The following NME7 variants were observed in gnomAD, a reference collection of about 807,000 sequenced individuals.
NME7 encodes NME/NM23 family member 7, also known as nucleoside diphosphate kinase 7.
In NME7, 41 loss-of-function variants were observed where a neutral mutation model predicts 49.1. The ratio of observed to expected loss-of-function variants is 0.83; its 90% CI spans 0.65 to 1.08. The LOEUF (loss-of-function observed/expected upper bound fraction) is 1.08. Ranked by LOEUF, NME7 falls within the 50% of genes least tolerant of loss-of-function variation. The probability of loss-of-function intolerance (pLI) is 0.00; values close to 1 mark genes in which losing one functional copy is unlikely to be tolerated. For synonymous variants in NME7, 139 were observed against 150.6 expected (o/e 0.92, Z 0.56); for missense variants, 423 against 463.4 (o/e 0.91, Z 0.80).
intron 11 of NME7, among the ~76,000 whole-genome samples, chr1:169,158,550 GC>G (rs1326222696): frequency 6.6e-6 from 1 of 152,026 alleles, no homozygotes; most frequent in Non-Finnish European, 1.5e-5. Flanking sequence ...GATATAAGGA[GC>G]TCATACCAGA....
intron 7 of NME7, among the ~76,000 whole-genome samples, chr1:169,275,392 T>C (rs2101879484): frequency 8.7e-6 from 1 of 114,600 alleles, no homozygotes; most frequent in African/African-American, 3.0e-5. Context: ...GGCAGGAGAA[T>C]GGCGTGAACC....
intron 4 of NME7, among the ~76,000 whole-genome samples, chr1:169,306,257 C>A (rs1651168413): frequency 6.6e-6 from 1 of 152,078 alleles, no homozygotes; most frequent in Non-Finnish European, 1.5e-5. Flanking sequence ...ATATGGGAAA[C>A]CACTGACGGA....
intron 10 of NME7, among the ~76,000 whole-genome samples, chr1:169,180,670 T>C (rs1230660514): frequency 2.0e-5 from 3 of 152,232 alleles, no homozygotes; most frequent in Non-Finnish European, 4.4e-5. Context: ...GAGCCACCTA[T>C]GTAATTTAAA....
chr1:169,234,421 T>C (rs1310570407), intron 9 of NME7, among the ~76,000 whole-genome samples: 1 of 152,132 alleles, frequency 6.6e-6, no homozygotes, highest in Non-Finnish European at 1.5e-5. Flanking sequence ...ACTGTACATG[T>C]TGAAGCAGAA....
intron 3 of NME7, among the ~76,000 whole-genome samples, chr1:169,314,842 G>A (rs1160543378): frequency 6.6e-6 from 1 of 151,986 alleles, no homozygotes; most frequent in African/African-American, 2.4e-5. Flanking sequence ...AAAATCTAAA[G>A]TAAAAAGAAT....
chr1:169,331,136 C>T (rs576940745), intron 1 of NME7, among the ~76,000 whole-genome samples: 13 of 152,078 alleles, frequency 8.5e-5, no homozygotes, highest in Admixed American at 2.0e-4. Flanking sequence ...GGGATATATC[C>T]CTGGGATGCA....
At chr1:169,238,344 G>A (rs1328391897) in intron 7 of NME7, among the ~76,000 whole-genome samples, 1 of 151,808 alleles carries the variant, frequency 6.6e-6, no homozygotes, top group East Asian at 1.9e-4. Flanking sequence ...CAGATGAGTG[G>A]TTTCTATATT....
chr1:169,321,087 T>G (rs1651836383), intron 3 of NME7, among the ~76,000 whole-genome samples: 1 of 152,234 alleles, frequency 6.6e-6, no homozygotes, highest in Admixed American at 6.5e-5. Context: ...TTTATTTTTC[T>G]TAGGTCAGAC....
At position 169,354,919 on chromosome 1, in the gene NME7, TATATA is replaced by T. The variant is rs1312562026; in HGVS notation, c.3+12784_3+12788del. ...ATAATATAAAATAAATATAATAAAA[TATATA>T]ATATATCTATTATGTATTATATATT... On this transcript the variant is annotated intron_variant, in intron 1 of 11. Coordinates refer to ENST00000367811, the MANE Select transcript of NME7 (RefSeq NM_013330.5). 1.9e-3 allele frequency among the ~76,000 whole-genome samples: 202 copies of T among 108,364 alleles called. 1 individual carries two copies. The highest frequency in any genetic ancestry group is 3.9e-3 in the East Asian group (18 of 4,594). The allele number at this position is 108,364 out of a possible 152,430, so 71.1% of individuals were successfully genotyped here. A position where few individuals can be genotyped will look rare whatever the true frequency, so the allele number is the denominator to read the frequency against.
At chr1:169,183,716 G>A (rs2101751989) in intron 10 of NME7, among the ~76,000 whole-genome samples, 1 of 152,150 alleles carries the variant, frequency 6.6e-6, no homozygotes, top group Non-Finnish European at 1.5e-5. Context: ...GCAGGAGAAT[G>A]GCGTGAACCC....
chr1:169,353,704 A>G (rs1653270455), intron 1 of NME7, among the ~76,000 whole-genome samples: 1 of 152,042 alleles, frequency 6.6e-6, no homozygotes, highest in African/African-American at 2.4e-5. Context: ...ACTCTACAGG[A>G]AAAAAAATCT....
At chr1:169,277,042 G>T (rs1222237802) in intron 7 of NME7, among the ~76,000 whole-genome samples, 2 of 150,202 alleles carry the variant, frequency 1.3e-5, no homozygotes, top group Non-Finnish European at 3.0e-5. Flanking sequence ...ATTGCACTGT[G>T]GTCTGAGAGA....
rs529054479 is a variant in NME7, at chr1:169,272,956, C to T, written c.754+14347G>A. 6.7e-5 allele frequency among the ~76,000 whole-genome samples: 9 copies of T among 133,530 alleles called. 2 individuals carry two copies. Among genetic ancestry groups the T allele is most frequent in the South Asian group, 4.6e-4 (2 of 4,302 alleles). The allele number at this position is 133,530 out of a possible 152,430, so 87.6% of individuals were successfully genotyped here. On this transcript the variant is annotated intron_variant, in intron 7 of 11. Coordinates refer to ENST00000367811, the MANE Select transcript of NME7 (RefSeq NM_013330.5). ...TTTTTCTCCACAGCCTCACCAGCAA[C>T]GGCTGTTTCTTGACTTTTCAATGAT...
intron 11 of NME7, among the ~76,000 whole-genome samples, chr1:169,138,527 TAGAA>T (rs1295477108): frequency 6.6e-6 from 1 of 151,848 alleles, no homozygotes; most frequent in Admixed American, 6.6e-5. Context: ...CTGGGCAACA[TAGAA>T]AGACTCTGTC....
At chr1:169,218,168 T>G (rs917004502) in intron 10 of NME7, among the ~76,000 whole-genome samples, 1 of 152,210 alleles carries the variant, frequency 6.6e-6, no homozygotes, top group Admixed American at 6.5e-5. Flanking sequence ...TTATTTCTTA[T>G]GTAGAACAGT....
rs1056621807 is a variant in NME7 at position 169,272,400 on chromosome 1, A to G, written c.754+14903T>C. Among the ~76,000 whole-genome samples, 9 of 131,254 alleles carry G rather than the reference A, an allele frequency of 6.9e-5. 3 individuals are homozygous for G. Among genetic ancestry groups the G allele is most frequent in the Non-Finnish European group, 1.6e-4 (9 of 56,086 alleles). The allele number at this position is 131,254 out of a possible 152,430, so 86.1% of individuals were successfully genotyped here. The stretch of plus-strand genomic sequence containing the variant: ...GCACATATCAACTCATTATCTAGGT[A>G]TTAACCCCAGCATCCATTAGCTATT... On this transcript the variant is annotated intron_variant, in intron 7 of 11. Transcript: ENST00000367811.
rs566688986 is a variant in NME7, at chr1:169,193,081, C to A, written c.991-23527G>T. ...AATCCCAACATTTTGGGAGCTGAGG[C>A]AGGAGGATCACTTAAGGCCAGGAGT... On this transcript the variant is annotated intron_variant, in intron 10 of 11. Transcript: ENST00000367811. Among the ~76,000 whole-genome samples the A allele has an allele frequency of 2.0e-5, 3 of 152,090 alleles. No individual in the cohort carries two copies. The South Asian group carries it at 6.2e-4, about 32-fold the overall frequency.
intron 11 of NME7, among the ~76,000 whole-genome samples, chr1:169,156,793 T>A (rs3766052): frequency 0.042 from 6,372 of 152,286 alleles, 213 homozygotes; most frequent in East Asian, 0.13. Context: ...AATTGCTCCT[T>A]ATCCAAGATT....
chr1:169,358,892 C>T (rs1653554137), intron 1 of NME7, among the ~76,000 whole-genome samples: 1 of 152,044 alleles, frequency 6.6e-6, no homozygotes, highest in African/African-American at 2.4e-5. Flanking sequence ...CATGACCTCT[C>T]GCACCTAGTT....
Sources: gnomAD v4.1 joint callset for allele counts (sites outside exome capture counted in the v4.1 genomes callset) on GRCh38, gnomAD v4.1.1 for gene constraint, MANE v1.5 for transcripts, NCBI Gene and HGNC (gene_info 2026-07-23, HGNC 2026-07-21) for gene names.